The following GNG2 variants were observed in gnomAD, a reference collection of about 807,000 sequenced individuals.
GNG2 encodes G protein subunit gamma 2.
In GNG2, 5 loss-of-function variants were observed where a neutral mutation model predicts 5.5. The observed-to-expected ratio is 0.91, with a 90% confidence interval of 0.48 to 1.92. The LOEUF is 1.92. Among genes scored for constraint, GNG2 ranks in the 30% most tolerant of loss-of-function variants. The probability of loss-of-function intolerance (pLI) is 0.01; values close to 1 mark genes in which losing one functional copy is unlikely to be tolerated. For synonymous variants in GNG2, 28 were observed against 32.0 expected (o/e 0.88, Z 0.42); for missense variants, 55 against 88.4 (o/e 0.62, Z 1.52).
intron 1 of GNG2, among the ~76,000 whole-genome samples, chr14:51,875,706 T>C (rs540565290): frequency 1.3e-5 from 2 of 150,798 alleles, no homozygotes; most frequent in East Asian, 3.9e-4. Flanking sequence ...AGAAAATATA[T>C]ATTAGAAAAA....
intron 2 of GNG2, among the ~76,000 whole-genome samples, chr14:51,905,553 C>A (rs1369026576): frequency 6.6e-6 from 1 of 152,096 alleles, no homozygotes; most frequent in Non-Finnish European, 1.5e-5. Flanking sequence ...CCTTAGTTAC[C>A]TTTACTCTTT....
At chr14:51,842,816 C>G (rs757477112) in intron 2 of GNG2, among the ~76,000 whole-genome samples, 5 of 152,056 alleles carry the variant, frequency 3.3e-5, no homozygotes, top group Non-Finnish European at 5.9e-5. Flanking sequence ...AGGCACACAC[C>G]ACCACACCCA....
intron 2 of GNG2, among the ~76,000 whole-genome samples, chr14:51,853,707 A>G (rs1210252668): frequency 6.6e-6 from 1 of 152,218 alleles, no homozygotes; most frequent in South Asian, 2.1e-4. Context: ...AGATACTTCA[A>G]AATGACTTAC....
At chr14:51,944,211 C>CAAA in intron 2 of GNG2, among the ~76,000 whole-genome samples, 1 of 149,556 alleles carries the variant, frequency 6.7e-6, no homozygotes, top group East Asian at 1.9e-4. Flanking sequence ...GGGCTGCTAT[C>CAAA]AAAAAAAAAA....
chr14:51,881,941 T>C (rs1241690648), intron 2 of GNG2, among the ~76,000 whole-genome samples: 4 of 152,312 alleles, frequency 2.6e-5, no homozygotes, highest in Admixed American at 2.0e-4. Flanking sequence ...TCCAGGACTT[T>C]CAATCCTGGT....
chr14:51,888,191 T>C (rs1157273532), intron 2 of GNG2, among the ~76,000 whole-genome samples: 1 of 152,204 alleles, frequency 6.6e-6, no homozygotes, highest in African/African-American at 2.4e-5. Flanking sequence ...GATACATCCA[T>C]GCTGTATGCA....
At chr14:51,907,600 C>A (rs987899898) in intron 2 of GNG2, among the ~76,000 whole-genome samples, 1 of 152,218 alleles carries the variant, frequency 6.6e-6, no homozygotes, top group Non-Finnish European at 1.5e-5. Flanking sequence ...GGGTGTTCTT[C>A]TGTGACATTT....
intron 2 of GNG2, among the ~76,000 whole-genome samples, chr14:51,889,340 T>C (rs1054909368): frequency 6.6e-6 from 1 of 152,078 alleles, no homozygotes; most frequent in Non-Finnish European, 1.5e-5. Flanking sequence ...CACAAACTCC[T>C]GACCTCAAGT....
chr14:51,841,351 T>C (rs1244119252), intron 2 of GNG2, among the ~76,000 whole-genome samples: 1 of 152,226 alleles, frequency 6.6e-6, no homozygotes, highest in East Asian at 1.9e-4. Flanking sequence ...CCCAGGTGAT[T>C]CTGAATATTT....
chr14:51,964,463 T>C (rs1054341412), intron 3 of GNG2, among the ~76,000 whole-genome samples: 2 of 152,184 alleles, frequency 1.3e-5, no homozygotes, highest in Non-Finnish European at 2.9e-5. Context: ...TGCCCTACCC[T>C]TCATTCTTAG....
In GNG2 at chr14:51,966,821, CA is replaced by C; in HGVS notation, c.*135del. The C allele has an allele frequency of 2.8e-6, 2 of 721,308 alleles. No homozygotes were observed. The highest frequency in any genetic ancestry group is 3.5e-5 in the South Asian group (2 of 57,242). 44.7% of individuals were successfully genotyped at this position (721,308 alleles called of 1,614,324 possible). On this transcript the variant is annotated 3_prime_UTR_variant, in exon 4 of 4. Transcript: ENST00000556766. ...ACCATTCTGGAAACTCTAGGCTATGCATGTTTAAAGATCTGGTCCCCTTTAT... is the reference window on the plus strand; with the variant it reads ...ACCATTCTGGAAACTCTAGGCTATGCTGTTTAAAGATCTGGTCCCCTTTAT...
chr14:51,855,452 G>C (rs927546037), upstream of GNG2, among the ~76,000 whole-genome samples: 13 of 152,238 alleles, frequency 8.5e-5, no homozygotes, highest in Non-Finnish European at 1.9e-4. Flanking sequence ...TCTGGAGGGA[G>C]AGAATGATCC....
At chr14:51,880,725 C>G (rs893899636) in intron 2 of GNG2, among the ~76,000 whole-genome samples, 3 of 152,038 alleles carry the variant, frequency 2.0e-5, no homozygotes, top group Non-Finnish European at 4.4e-5. Context: ...ACTATCGGTG[C>G]TAAAACTGGG....
In GNG2 at chr14:51,875,596, C is replaced by T. The variant is rs1410009202; in HGVS notation, c.-70-2021C>T. Among the ~76,000 whole-genome samples, 4 of 151,492 alleles carry T rather than the reference C, an allele frequency of 2.6e-5. No homozygotes were observed. The South Asian group carries it at 8.4e-4, about 32-fold the overall frequency. On this transcript the variant is annotated intron_variant, in intron 1 of 3. Transcript: ENST00000556766. ...CCAGTCTTTATGTATCAGAAAGATA[C>T]TATGTATAATTATACTAGAAAATGT...
chr14:51,966,590 A>C lies in GNG2; in HGVS notation c.119A>C (p.Tyr40Ser), dbSNP rs778561814. The C allele has an allele frequency of 1.2e-6, 2 of 1,613,612 alleles. No individual in the cohort carries two copies. Among genetic ancestry groups the C allele is most frequent in the Non-Finnish European group, 8.5e-7 (1 of 1,179,570 alleles). The part of the protein sequence containing the change: ...VSKAAADLMA[Y>S]CEAHAKEDPL... ...AAGGCAGCTGCAGATTTGATGGCCTACTGTGAAGCACATGCCAAGGAAGAC... is the reference window on the plus strand; with the variant it reads ...AAGGCAGCTGCAGATTTGATGGCCTCCTGTGAAGCACATGCCAAGGAAGAC... Residue 40 changes from tyrosine to serine, a missense_variant, in exon 4 of 4, where the codon TAC becomes TCC. Physicochemically the swap from Tyr to Ser is moderately radical, Grantham distance 144. Transcript: ENST00000556766.
intron 3 of GNG2, among the ~76,000 whole-genome samples, chr14:51,958,287 C>G (rs1280795008): frequency 1.3e-5 from 2 of 152,148 alleles, no homozygotes; most frequent in Non-Finnish European, 2.9e-5. Context: ...CCAAAGAGCA[C>G]TGGTTCCTGG....
chr14:51,869,280 G>A (rs528717255), intron 1 of GNG2, among the ~76,000 whole-genome samples: 62 of 152,290 alleles, frequency 4.1e-4, no homozygotes, highest in Non-Finnish European at 7.6e-4. Context: ...TACTAAAATG[G>A]CGTAAGCAAT....
rs1234565230 is a variant in GNG2, at chr14:51,906,480, G to T, written c.-30+28823G>T. ...TAGAATGCCATTATATCTTAGTGAA[G>T]AATAAGAATTTTTTAACCTTGCATT... is the stretch of plus-strand genomic sequence containing the variant. On this transcript the variant is annotated intron_variant, in intron 2 of 3. Coordinates refer to ENST00000556766, the MANE Select transcript of GNG2 (RefSeq NM_053064.5). 2.6e-5 allele frequency among the ~76,000 whole-genome samples: 4 copies of T among 152,070 alleles called. No individual in the cohort carries two copies. The East Asian group carries it at 7.7e-4, about 29-fold the overall frequency.
intron 2 of GNG2, among the ~76,000 whole-genome samples, chr14:51,922,521 G>T: frequency 6.6e-6 from 1 of 152,194 alleles, no homozygotes; most frequent in Non-Finnish European, 1.5e-5. Flanking sequence ...ACCACACCCT[G>T]ACCCCTACCC....
Sources: allele counts gnomAD v4.1 joint callset (sites outside exome capture counted in the v4.1 genomes callset), GRCh38; gene constraint gnomAD v4.1.1; transcripts MANE v1.5; gene names NCBI Gene and HGNC (gene_info 2026-07-23, HGNC 2026-07-21).